Variants in ENTREP2 observed in about 807,000 individuals in gnomAD.
ENTREP2 encodes the protein endosomal transmembrane epsin interactor 2.
At chr15:29,395,740 C>T in the ENTREP2 span, among the ~76,000 whole-genome samples, 1 of 151,894 alleles carries the variant, frequency 6.6e-6, no homozygotes. Context: ...CGCCACGTTG[C>T]CCAGGCTGGT....
chr15:29,471,358 C>T, the ENTREP2 span, among the ~76,000 whole-genome samples: 133 of 152,230 alleles, frequency 8.7e-4, no homozygotes, highest in Non-Finnish European at 1.5e-3. Context: ...CACACAGCGG[C>T]CCCTCGAGCT....
the ENTREP2 span, among the ~76,000 whole-genome samples, chr15:29,455,088 C>A: frequency 2.6e-5 from 4 of 152,180 alleles, no homozygotes; most frequent in Non-Finnish European, 5.9e-5. Context: ...CACCTACACA[C>A]AGGAGCCTGC....
At chr15:29,376,337 T>C in the ENTREP2 span, 6 of 152,108 alleles carry the variant, frequency 3.9e-5, no homozygotes, top group Non-Finnish European at 7.4e-5. Context: ...CAAAAAATCA[T>C]CTAATCAGAG....
chr15:29,463,912 G>A, the ENTREP2 span, among the ~76,000 whole-genome samples: 9 of 152,140 alleles, frequency 5.9e-5, no homozygotes, highest in East Asian at 3.9e-4. Flanking sequence ...GCTCCAACAC[G>A]GATAAACCTT....
the ENTREP2 span, among the ~76,000 whole-genome samples, chr15:29,173,817 T>A: frequency 1.3e-5 from 2 of 152,190 alleles, no homozygotes; most frequent in Non-Finnish European, 2.9e-5. Flanking sequence ...ATTACCTATA[T>A]CTAAGTCATA....
chr15:29,165,351 A>G, the ENTREP2 span, among the ~76,000 whole-genome samples: 5 of 152,132 alleles, frequency 3.3e-5, no homozygotes, highest in African/African-American at 1.2e-4. Context: ...AATTGAAACA[A>G]ACAAACAAAC....
the ENTREP2 span, among the ~76,000 whole-genome samples, chr15:29,155,381 G>A: frequency 5.3e-5 from 8 of 152,040 alleles, no homozygotes; most frequent in South Asian, 2.1e-4. Context: ...AGGCCTATCC[G>A]AGTCCCTGAA....
chr15:29,178,256 C>T, the ENTREP2 span, among the ~76,000 whole-genome samples: 3,463 of 148,146 alleles, frequency 0.023, 131 homozygotes, highest in African/African-American at 0.083. Flanking sequence ...ATTGTACCAC[C>T]GCACTCCAGC....
the ENTREP2 span, among the ~76,000 whole-genome samples, chr15:29,355,914 A>C: frequency 6.6e-6 from 1 of 152,144 alleles, no homozygotes; most frequent in South Asian, 2.1e-4. Flanking sequence ...CCTATGTAAA[A>C]TTAAAATGTG....
the ENTREP2 span, among the ~76,000 whole-genome samples, chr15:29,204,542 A>T: frequency 6.6e-6 from 1 of 152,166 alleles, no homozygotes; most frequent in Admixed American, 6.5e-5. Context: ...GAGGCGCAGC[A>T]CGGGTGACAG....
At chr15:29,302,639 C>G in the ENTREP2 span, among the ~76,000 whole-genome samples, 1 of 151,994 alleles carries the variant, frequency 6.6e-6, no homozygotes, top group Non-Finnish European at 1.5e-5. Flanking sequence ...ATAATTACAT[C>G]CCATTTTTTT....
At chr15:29,630,424 T>C in the ENTREP2 span, among the ~76,000 whole-genome samples, 1 of 152,194 alleles carries the variant, frequency 6.6e-6, no homozygotes, top group East Asian at 1.9e-4. Flanking sequence ...TCTTCAGTTT[T>C]CAGAAGTTTT....
the ENTREP2 span, among the ~76,000 whole-genome samples, chr15:29,232,170 T>C: frequency 0.024 from 3,590 of 152,134 alleles, 140 homozygotes; most frequent in African/African-American, 0.082. Context: ...GGATTACAGG[T>C]GTGAGCCACC....
the ENTREP2 span, among the ~76,000 whole-genome samples, chr15:29,302,860 A>G: frequency 6.6e-6 from 1 of 152,168 alleles, no homozygotes; most frequent in African/African-American, 2.4e-5. Flanking sequence ...CACAACATTT[A>G]TTTCCAAATG....
chr15:29,626,119 G>A, the ENTREP2 span, among the ~76,000 whole-genome samples: 1 of 152,104 alleles, frequency 6.6e-6, no homozygotes, highest in Admixed American at 6.6e-5. Context: ...ACTTAGAATG[G>A]TTTCTTCATG....
chr15:29,281,679 C>G, the ENTREP2 span, among the ~76,000 whole-genome samples: 1 of 152,186 alleles, frequency 6.6e-6, no homozygotes, highest in Admixed American at 6.5e-5. Context: ...CTGGACTTGC[C>G]ATTTGACGTA....
chr15:29,464,732 A>G, the ENTREP2 span, among the ~76,000 whole-genome samples: 1 of 152,124 alleles, frequency 6.6e-6, no homozygotes, highest in African/African-American at 2.4e-5. Flanking sequence ...CCCCCTGGGC[A>G]GGGGGCAGCG....
the ENTREP2 span, among the ~76,000 whole-genome samples, chr15:29,245,301 A>G: frequency 4.6e-5 from 7 of 152,216 alleles, no homozygotes; most frequent in African/African-American, 1.7e-4. Context: ...GTGTAGTAAC[A>G]TTTATAACAA....
At chr15:29,568,533 TA>T in the ENTREP2 span, among the ~76,000 whole-genome samples, 6,088 of 150,274 alleles carry the variant, frequency 0.041, 427 homozygotes, top group African/African-American at 0.14. Context: ...CCCCATCTCT[TA>T]AAAAAAAAAT....
Sources: gnomAD v4.1 joint callset for allele counts (sites outside exome capture counted in the v4.1 genomes callset) on GRCh38, gnomAD v4.1.1 for gene constraint, MANE v1.5 for transcripts, NCBI Gene and HGNC (gene_info 2026-07-23, HGNC 2026-07-21) for gene names.